Variants in PLCL1 observed in about 807,000 individuals in gnomAD.
The protein encoded by PLCL1 is phospholipase C like 1 (inactive).
A neutral mutation model predicts 84.4 loss-of-function variants in PLCL1; 41 were observed. The ratio of observed to expected loss-of-function variants is 0.49; its 90% CI spans 0.38 to 0.63. The LOEUF is 0.63. Ranked by LOEUF, PLCL1 falls within the 30% of genes least tolerant of loss-of-function variation. The probability of loss-of-function intolerance (pLI) is 0.00; values close to 1 mark genes in which losing one functional copy is unlikely to be tolerated. For missense variants in PLCL1, 1,206 were observed against 1,367.8 expected, an observed-to-expected ratio of 0.88 and a Z score of 1.87; for synonymous variants, 490 against 488.3, an observed-to-expected ratio of 1.00 and a Z score of -0.05.
chr2:198,050,257 C>T (rs1377545531), intron 1 of PLCL1, among the ~76,000 whole-genome samples: 1 of 151,984 alleles, frequency 6.6e-6, no homozygotes, highest in African/African-American at 2.4e-5. Flanking sequence ...TGTTTGTAGA[C>T]AGTGGTAGGT....
intron 1 of PLCL1, among the ~76,000 whole-genome samples, chr2:198,039,844 T>C (rs1416121064): frequency 6.6e-6 from 1 of 152,196 alleles, no homozygotes; most frequent in African/African-American, 2.4e-5. Flanking sequence ...CTCTGCAAGA[T>C]TGGTCAATAT....
chr2:197,917,016 G>T (rs1688612101), intron 1 of PLCL1, among the ~76,000 whole-genome samples: 1 of 152,140 alleles, frequency 6.6e-6, no homozygotes, highest in Non-Finnish European at 1.5e-5. Flanking sequence ...CCAATTGCTG[G>T]CAAGAATGCA....
At chr2:198,044,088 A>G (rs929709944) in intron 1 of PLCL1, among the ~76,000 whole-genome samples, 9 of 152,054 alleles carry the variant, frequency 5.9e-5, no homozygotes, top group African/African-American at 2.2e-4. Flanking sequence ...ATTCTAGTGC[A>G]TTATTTACTT....
intron 1 of PLCL1, among the ~76,000 whole-genome samples, chr2:197,853,399 G>T (rs75200745): frequency 0.015 from 2,260 of 152,186 alleles, 64 homozygotes; most frequent in African/African-American, 0.052. Flanking sequence ...TGGGATTGCT[G>T]GATCGATCAT....
chr2:197,823,598 T>C (rs969721752), intron 1 of PLCL1, among the ~76,000 whole-genome samples: 6 of 152,066 alleles, frequency 3.9e-5, no homozygotes, highest in Admixed American at 3.9e-4. Flanking sequence ...TTGAATAAAA[T>C]GGTATGTTTG....
At chr2:197,910,085 A>G (rs1257153404) in intron 1 of PLCL1, among the ~76,000 whole-genome samples, 2 of 152,208 alleles carry the variant, frequency 1.3e-5, no homozygotes, top group South Asian at 4.1e-4. Context: ...AACCATGCCT[A>G]TTGCACAGGG....
intron 1 of PLCL1, among the ~76,000 whole-genome samples, chr2:198,069,543 A>T (rs1405716391): frequency 6.6e-6 from 1 of 152,190 alleles, no homozygotes; most frequent in Non-Finnish European, 1.5e-5. Context: ...AATTTGGCTC[A>T]GATTTACATG....
At chr2:198,043,538 C>A (rs771335123) in intron 1 of PLCL1, among the ~76,000 whole-genome samples, 4 of 152,146 alleles carry the variant, frequency 2.6e-5, no homozygotes, top group Non-Finnish European at 5.9e-5. Context: ...GGCAAGGCTG[C>A]GTAATTTTGT....
intron 1 of PLCL1, among the ~76,000 whole-genome samples, chr2:197,935,427 T>C (rs555671247): frequency 3.7e-4 from 57 of 152,264 alleles, no homozygotes; most frequent in African/African-American, 1.3e-3. Context: ...GCTATTAATA[T>C]GTAACCATAA....
intron 1 of PLCL1, among the ~76,000 whole-genome samples, chr2:198,054,643 C>T (rs1242999631): frequency 6.6e-6 from 1 of 152,194 alleles, no homozygotes; most frequent in Non-Finnish European, 1.5e-5. Flanking sequence ...TTCCTTTTGT[C>T]AGTGCAACAT....
chr2:198,026,401 A>G (rs1318461281), intron 1 of PLCL1, among the ~76,000 whole-genome samples: 2 of 152,158 alleles, frequency 1.3e-5, no homozygotes, highest in Non-Finnish European at 2.9e-5. Flanking sequence ...ATAATTGTGA[A>G]TGACTTAGTG....
rs1461400265 is a variant in PLCL1, at chr2:198,070,427, T to C, written c.241-13331T>C. Among the ~76,000 whole-genome samples, 3 of 152,084 alleles carry C rather than the reference T, an allele frequency of 2.0e-5. No individual in the cohort carries two copies. In the East Asian group the frequency reaches 5.8e-4, roughly 29 times the overall value. On this transcript the variant is annotated intron_variant, in intron 1 of 5. Coordinates refer to ENST00000428675, the MANE Select transcript of PLCL1 (RefSeq NM_006226.4). ...GAGAAGATACACATTTTCATTCAAA[T>C]TGATTGTTTAAATATTTATAAGACT...
In PLCL1 at chr2:198,086,140, C is replaced by T; in HGVS notation, c.2623C>T (p.Leu875Phe). The change falls in exon 2 of 6, where the codon CTC becomes TTC. Residue 875 changes from leucine to phenylalanine, a missense_variant. Physicochemically the swap from Leu to Phe is conservative, Grantham distance 22. Coordinates refer to ENST00000428675, the MANE Select transcript of PLCL1 (RefSeq NM_006226.4). ...MGKKVREYTM[L>F]RNIGLKTIDD... ...GAAGAAAGTTCGGGAATATACCATG[C>T]TCAGGAATATCGGTCTTAAAACCAT... The T allele has an allele frequency of 6.2e-7, 1 of 1,613,534 alleles. No homozygotes were observed. The highest frequency in any genetic ancestry group is 8.5e-7 in the Non-Finnish European group (1 of 1,179,530).
chr2:197,938,130 C>T (rs1457053904), intron 1 of PLCL1, among the ~76,000 whole-genome samples: 1 of 152,124 alleles, frequency 6.6e-6, no homozygotes, highest in African/African-American at 2.4e-5. Flanking sequence ...AGTTCTTTTC[C>T]AGTCTTCATG....
chr2:198,084,770 T>C lies in PLCL1; in HGVS notation c.1253T>C (p.Ile418Thr), dbSNP rs761609539. Residue 418 changes from isoleucine to threonine, a missense_variant, in exon 2 of 6, where the codon ATA becomes ACA. Transcript: ENST00000428675. ...YINASHNTYL[I>T]EDQFRGPADI... ...AATGCCTCTCATAACACCTATCTAA[T>C]AGAAGACCAGTTCAGGGGGCCAGCT... The C allele has an allele frequency of 2.5e-6, 4 of 1,613,964 alleles. No homozygotes were observed. The highest frequency in any genetic ancestry group is 2.7e-5 in the African/African-American group (2 of 74,914).
At chr2:197,935,942 AT>A (rs1176902770) in intron 1 of PLCL1, among the ~76,000 whole-genome samples, 1 of 152,172 alleles carries the variant, frequency 6.6e-6, no homozygotes, top group African/African-American at 2.4e-5. Flanking sequence ...TCATTCTACT[AT>A]CTACTTCTAA....
At chr2:198,130,568 C>G (rs945290582) in intron 5 of PLCL1, among the ~76,000 whole-genome samples, 1 of 152,100 alleles carries the variant, frequency 6.6e-6, no homozygotes, top group Non-Finnish European at 1.5e-5. Flanking sequence ...GGAGGTCACT[C>G]AGCCACAGCA....
At chr2:198,038,373 T>TAA (rs1176499779) in intron 1 of PLCL1, among the ~76,000 whole-genome samples, 2 of 152,192 alleles carry the variant, frequency 1.3e-5, no homozygotes, top group Non-Finnish European at 2.9e-5. Context: ...GATTGCTTAA[T>TAA]ACCTTGTTAA....
intron 1 of PLCL1, among the ~76,000 whole-genome samples, chr2:197,840,422 G>A (rs776151430): frequency 6.6e-6 from 1 of 151,870 alleles, no homozygotes; most frequent in Non-Finnish European, 1.5e-5. Context: ...TAAAACATAC[G>A]TGAGAAAAAA....
Sources: gnomAD v4.1 joint callset for allele counts (sites outside exome capture counted in the v4.1 genomes callset) on GRCh38, gnomAD v4.1.1 for gene constraint, MANE v1.5 for transcripts, NCBI Gene and HGNC (gene_info 2026-07-23, HGNC 2026-07-21) for gene names.